SLC2A11: variants seen among roughly 807,000 people sequenced by gnomAD.
SLC2A11 encodes the protein solute carrier family 2 member 11.
In SLC2A11, 43 loss-of-function variants were observed where a neutral mutation model predicts 52.1. The observed-to-expected ratio is 0.82, with a 90% CI of 0.65 to 1.06. SLC2A11 has a LOEUF of 1.06. Ranked by LOEUF, SLC2A11 falls within the 50% of genes least tolerant of loss-of-function variation. The pLI is 0.00. For synonymous variants in SLC2A11, 261 were observed against 277.6 expected, an observed-to-expected ratio of 0.94 and a Z score of 0.59; for missense variants, 582 against 654.2, an observed-to-expected ratio of 0.89 and a Z score of 1.20.
In SLC2A11 at chr22:23,884,190, GC is replaced by G. The variant is rs535278664; in HGVS notation, c.1172-106del. On this transcript the variant is annotated intron_variant, in intron 10 of 11. Transcript: ENST00000316185. This position sits in a 1 kb window ranked among gnomAD's most constrained non-coding sequence, Gnocchi z 4.3. The stretch of plus-strand genomic sequence containing the variant: ...AATGGCAGGAGGAGAGCACTGAGGG[GC>G]CCCCCATACAGACTGGGCCTGGGCT... 2.0e-6 allele frequency: 3 copies of G among 1,487,838 alleles called. No homozygotes were observed. The highest frequency in any genetic ancestry group is 1.8e-6 in the Non-Finnish European group (2 of 1,119,492). The allele number at this position is 1,487,838 out of a possible 1,614,324, so 92.2% of individuals were successfully genotyped here. A position where few individuals can be genotyped will look rare whatever the true frequency, so the allele number is the denominator to read the frequency against.
chr22:23,867,789 C>T (rs2032319579), intron 2 of SLC2A11: 1 of 469,790 alleles, frequency 2.1e-6, no homozygotes. Context: ...AGGTGGTGCT[C>T]CTGGAGGGGA....
In SLC2A11 at chr22:23,885,777, A is replaced by C. The variant is rs1388751062; in HGVS notation, c.*928A>C. ...GAGGCCCGACCTCGTCTGAGAGGGGAGTGGTCAGAAAAGAATTTTCTGAGG... is the reference window on the plus strand; with the variant it reads ...GAGGCCCGACCTCGTCTGAGAGGGGCGTGGTCAGAAAAGAATTTTCTGAGG... On this transcript the variant is annotated 3_prime_UTR_variant, in exon 12 of 12. Coordinates refer to ENST00000316185, the MANE Select transcript of SLC2A11 (RefSeq NM_001024939.4). 1 of 152,098 alleles carries C rather than the reference A, an allele frequency of 6.6e-6. No individual in the cohort carries two copies. The highest frequency in any genetic ancestry group is 1.5e-5 in the Non-Finnish European group (1 of 68,020). 9.4% of individuals were successfully genotyped at this position (152,098 alleles called of 1,614,324 possible).
intron 3 of SLC2A11, chr22:23,870,340 G>T: frequency 5.6e-6 from 2 of 355,410 alleles, no homozygotes; most frequent in South Asian, 8.2e-5. Flanking sequence ...AGGACAGGGG[G>T]ATGTAGTTCT....
At chr22:23,861,132 A>G (rs139720286) in intron 1 of SLC2A11, among the ~76,000 whole-genome samples, 4,341 of 151,196 alleles carry the variant, frequency 0.029, 125 homozygotes, top group African/African-American at 0.074. Context: ...GGCATGAGCC[A>G]CTGCGCCCGG....
chr22:23,863,672 A>AGTG lies in SLC2A11; in HGVS notation c.129+1474_129+1476dup, dbSNP rs145537112. On this transcript the variant is annotated intron_variant, in intron 2 of 11. Coordinates refer to ENST00000316185, the MANE Select transcript of SLC2A11 (RefSeq NM_001024939.4). ...TGCTCTCTCACCCAGGCTGGAGTGC[A>AGTG]GTGGTGCAATTTCGGTTCACTGCAA... is the stretch of plus-strand genomic sequence containing the variant. Among the ~76,000 whole-genome samples, 939 of 130,688 alleles carry AGTG rather than the reference A, an allele frequency of 7.2e-3. 12 individuals carry two copies. Among genetic ancestry groups the AGTG allele is most frequent in the African/African-American group, 0.026 (891 of 34,260 alleles). 85.7% of individuals were successfully genotyped at this position (130,688 alleles called of 152,430 possible).
intron 8 of SLC2A11, 62 bp downstream of exon 8, chr22:23,882,931 C>A: frequency 7.0e-7 from 1 of 1,421,968 alleles, no homozygotes; most frequent in Non-Finnish European, 9.8e-7. Flanking sequence ...AGGTCCTCTG[C>A]ATTAAACCAG....
chr22:23,878,362 G>A, intron 6 of SLC2A11, among the ~76,000 whole-genome samples: 1 of 151,962 alleles, frequency 6.6e-6, no homozygotes, highest in East Asian at 1.9e-4. Flanking sequence ...GCGGGGGAGG[G>A]GGGCAGTGGT....
Position 23,884,675 on chromosome 22 carries a change from C to G in SLC2A11, c.1326C>G (p.Val442=). Residue 442 remains valine (V), a synonymous_variant, in exon 12 of 12, where the codon GTC becomes GTG. Transcript: ENST00000316185. This position sits in a 1 kb window ranked among gnomAD's most constrained non-coding sequence, Gnocchi z 4.3. ...IMEALSHFLY[V]PFLGVCVCGA... ...AGGCCTTGTCCCACTTCCTCTATGT[C>G]CCTTTCCTTGGTGTCTGTGTCTGTG... 6.2e-7 allele frequency: 1 copy of G among 1,613,942 alleles called. No homozygotes were observed. Among genetic ancestry groups the G allele is most frequent in the Non-Finnish European group, 8.5e-7 (1 of 1,179,950 alleles).
chr22:23,865,233 A>G (rs1330083815), intron 2 of SLC2A11: 4 of 152,212 alleles, frequency 2.6e-5, no homozygotes, highest in Admixed American at 2.0e-4. Flanking sequence ...CGTGACCAAC[A>G]TGGAGAAACC....
Position 23,884,075 on chromosome 22 carries a change from A to G in SLC2A11, c.1171+51A>G. The G allele has an allele frequency of 6.3e-7, 1 of 1,596,194 alleles. No individual in the cohort carries two copies. Among genetic ancestry groups the G allele is most frequent in the Non-Finnish European group, 8.5e-7 (1 of 1,172,682 alleles). Reference sequence around the variant, plus strand: ...CATCCATCATCACATAGAAGGAGTGATGGGTGCCTGGGTGCACAGTGGGTG... The same window carrying G: ...CATCCATCATCACATAGAAGGAGTGGTGGGTGCCTGGGTGCACAGTGGGTG... On this transcript the variant is annotated intron_variant, in intron 10 of 11. Transcript: ENST00000316185. The surrounding 1 kb of genome is among the most constrained non-coding windows in gnomAD (Gnocchi z 4.3).
chr22:23,867,404 G>T (rs775341975), intron 2 of SLC2A11: 1 of 178,556 alleles, frequency 5.6e-6, no homozygotes, highest in Non-Finnish European at 1.2e-5. Context: ...CACCATGTTG[G>T]CCAGGCTGGT....
intron 3 of SLC2A11, among the ~76,000 whole-genome samples, chr22:23,874,811 C>G (rs2032562732): frequency 6.6e-6 from 1 of 152,096 alleles, no homozygotes; most frequent in Admixed American, 6.6e-5. Context: ...GCCTGGTCTC[C>G]TGGGATCAGG....
At chr22:23,883,657 A>G (rs1179695217) in intron 8 of SLC2A11, 115 bp from the exon 9 acceptor site, 1 of 814,838 alleles carries the variant, frequency 1.2e-6, no homozygotes, top group African/African-American at 1.8e-5. Context: ...ACACTGAAGC[A>G]ATAAACTACC....
At position 23,857,966 on chromosome 22, in the gene SLC2A11, G is replaced by C. The variant is rs2031915036; in HGVS notation, c.-34G>C. 1 of 1,591,418 alleles carries C rather than the reference G, an allele frequency of 6.3e-7. No individual in the cohort carries two copies. Among genetic ancestry groups the C allele is most frequent in the Non-Finnish European group, 8.5e-7 (1 of 1,170,682 alleles). On this transcript the variant is annotated 5_prime_UTR_variant, in exon 1 of 12. Coordinates refer to ENST00000316185, the MANE Select transcript of SLC2A11 (RefSeq NM_001024939.4). ...CTAATGGCAGCCGGGGTCTCCCTGG[G>C]ACAGCAAGACCTCCGCTCAGGCCCC...
chr22:23,867,403 G>T, intron 2 of SLC2A11: 1 of 175,082 alleles, frequency 5.7e-6, no homozygotes, highest in Non-Finnish European at 1.2e-5. Context: ...TCACCATGTT[G>T]GCCAGGCTGG....
intron 6 of SLC2A11, among the ~76,000 whole-genome samples, chr22:23,879,948 C>T (rs1242430766): frequency 2.6e-5 from 4 of 152,268 alleles, no homozygotes; most frequent in South Asian, 2.1e-4. Context: ...GCAGGCTGGG[C>T]GCCAGCTCAC....
intron 3 of SLC2A11, chr22:23,869,700 A>T: frequency 3.0e-6 from 1 of 330,724 alleles, no homozygotes; most frequent in Middle Eastern, 7.9e-4. Flanking sequence ...GCCATAACAA[A>T]ATAACTGAGA....
At position 23,868,731 on chromosome 22, in the gene SLC2A11, G is replaced by A. The variant is rs1450068527; in HGVS notation, c.290+90G>A. ...GGAATGTGGAAGAAGGAAGAGGCCC[G>A]GCAAGCTCCAGGCCCAGATCAGCTC... is the stretch of plus-strand genomic sequence containing the variant. On this transcript the variant is annotated intron_variant, in intron 3 of 11. Transcript: ENST00000316185. 20 of 1,506,084 alleles carry A rather than the reference G, an allele frequency of 1.3e-5. No homozygotes were observed. In the South Asian group the frequency reaches 1.4e-4, roughly 10 times the overall value. The allele number at this position is 1,506,084 out of a possible 1,614,324, so 93.3% of individuals were successfully genotyped here. A position where few individuals can be genotyped will look rare whatever the true frequency, so the allele number is the denominator to read the frequency against.
At chr22:23,860,884 C>G (rs1285956299) in intron 1 of SLC2A11, among the ~76,000 whole-genome samples, 16 of 147,568 alleles carry the variant, frequency 1.1e-4, no homozygotes, top group African/African-American at 4.0e-4. Flanking sequence ...CTCGCTCTGT[C>G]GCCCAGGCTG....
Sources: gnomAD v4.1 joint callset for allele counts (sites outside exome capture counted in the v4.1 genomes callset) on GRCh38, gnomAD v4.1.1 for gene constraint, Gnocchi (gnomAD v3.1) non-coding constraint, MANE v1.5 for transcripts, NCBI Gene and HGNC (gene_info 2026-07-23, HGNC 2026-07-21) for gene names.